The following ELOVL3 variants were observed in gnomAD, a reference collection of about 807,000 sequenced individuals.
The protein encoded by ELOVL3 is ELOVL fatty acid elongase 3.
ELOVL3 carries 11 observed loss-of-function variants against 14.9 expected under a neutral mutation model. The ratio of observed to expected loss-of-function variants is 0.74; its 90% confidence interval spans 0.46 to 1.22. The LOEUF (loss-of-function observed/expected upper bound fraction) is 1.22, where lower values mean the gene tolerates loss of function less well. ELOVL3 is among the 50% of genes most tolerant of loss of function. The probability of loss-of-function intolerance (pLI) is 0.00; values close to 1 mark genes in which losing one functional copy is unlikely to be tolerated. For synonymous variants in ELOVL3, 117 were observed against 124.7 expected, an observed-to-expected ratio of 0.94 and a Z score of 0.41; for missense variants, 277 against 338.9, an observed-to-expected ratio of 0.82 and a Z score of 1.43.
chr10:102,225,639 A>G (rs1564988858), upstream of ELOVL3, among the ~76,000 whole-genome samples: 1 of 152,142 alleles, frequency 6.6e-6, no homozygotes, highest in Non-Finnish European at 1.5e-5. Flanking sequence ...CCCCCTCCCT[A>G]AACCCTAAGA....
chr10:102,228,364 A>G, intron 2 of ELOVL3, 53 bp from the exon 3 acceptor site: 1 of 1,585,948 alleles, frequency 6.3e-7, no homozygotes, highest in Non-Finnish European at 8.6e-7. Flanking sequence ...GGAAGGGTGG[A>G]TTATTGGTGC....
At position 102,229,388 on chromosome 10, in the gene ELOVL3, G is replaced by A; in HGVS notation, c.*136G>A. 1.2e-6 allele frequency: 1 copy of A among 835,848 alleles called. No individual in the cohort carries two copies. Among genetic ancestry groups the A allele is most frequent in the Non-Finnish European group, 1.8e-6 (1 of 551,532 alleles). 51.8% of individuals were successfully genotyped at this position (835,848 alleles called of 1,614,324 possible). A position where few individuals can be genotyped will look rare whatever the true frequency, so the allele number is the denominator to read the frequency against. The stretch of plus-strand genomic sequence containing the variant: ...GAGGATGTGTGCCCCAAGGTGGCTG[G>A]AATTTTTGACAGACAAGAAGGGTGA... On this transcript the variant is annotated 3_prime_UTR_variant, in exon 4 of 4. Coordinates refer to ENST00000370005, the MANE Select transcript of ELOVL3 (RefSeq NM_152310.3).
Position 102,228,565 on chromosome 10 carries a change from C to T in ELOVL3, c.382C>T (p.Leu128Phe). Residue 128 changes from leucine (L) to phenylalanine (F), a missense_variant, in exon 3 of 4, where the codon CTC becomes TTC. Physicochemically the swap from Leu to Phe is conservative, Grantham distance 22. Coordinates refer to ENST00000370005, the MANE Select transcript of ELOVL3 (RefSeq NM_152310.3). Reference sequence around the variant, plus strand: ...CTTTCTTCTCAGCAAGGTCATAGAACTCGGTGAGTGGCAAAGCTTTGTCTT... The same window carrying T: ...CTTTCTTCTCAGCAAGGTCATAGAATTCGGTGAGTGGCAAAGCTTTGTCTT... ...WVFLLSKVIELGDTAFIILRK... is the reference protein window; with the variant it reads ...WVFLLSKVIEFGDTAFIILRK... The T allele has an allele frequency of 1.2e-6, 2 of 1,614,026 alleles. No homozygotes were observed. The highest frequency in any genetic ancestry group is 1.7e-6 in the Non-Finnish European group (2 of 1,179,932).
chr10:102,229,329 A>ATGAT lies in ELOVL3; in HGVS notation c.*79_*82dup. The ATGAT allele has an allele frequency of 7.1e-7, 1 of 1,403,652 alleles. No individual in the cohort carries two copies. Among genetic ancestry groups the ATGAT allele is most frequent in the Non-Finnish European group, 9.6e-7 (1 of 1,037,928 alleles). The allele number at this position is 1,403,652 out of a possible 1,614,324, so 86.9% of individuals were successfully genotyped here. A position where few individuals can be genotyped will look rare whatever the true frequency, so the allele number is the denominator to read the frequency against. ...AGAGGCTGGGCTTAGTTTTGGGAGA[A>ATGAT]TGATTAGGTTGCCTTACCTGCATGG... is the stretch of plus-strand genomic sequence containing the variant. On this transcript the variant is annotated 3_prime_UTR_variant, in exon 4 of 4. Transcript: ENST00000370005.
At chr10:102,224,808 G>A (rs1157699175), upstream of ELOVL3, among the ~76,000 whole-genome samples, 1 of 151,880 alleles carries the variant, frequency 6.6e-6, no homozygotes, top group Non-Finnish European at 1.5e-5. Flanking sequence ...GACTACAGGC[G>A]CCTGCCACCA....
In ELOVL3 at chr10:102,229,136, A is replaced by C. The variant is rs1415278070; in HGVS notation, c.697A>C (p.Met233Leu). Residue 233 changes from methionine to leucine, a missense_variant, in exon 4 of 4, where the codon ATG (methionine) becomes CTG (leucine). By Grantham distance (15) the Met-to-Leu change is conservative. Transcript: ENST00000370005. ...GCAGGATCAGGGATGCCACACCACG[A>C]TGGAACACTTATTCTGGTCCTTCAT... ...WRQDQGCHTT[M>L]EHLFWSFILY... is the part of the protein sequence containing the mutation. The C allele has an allele frequency of 1.9e-6, 3 of 1,614,098 alleles. No homozygotes were observed. The highest frequency in any genetic ancestry group is 1.7e-6 in the Non-Finnish European group (2 of 1,180,024).
In ELOVL3 at chr10:102,227,484, T is replaced by G. The variant is rs2070147320; in HGVS notation, c.102-142T>G. ...ATGAGGAAGCCAAGGCTCAGAGAAT[T>G]AAGTTGGTTTTTCCAATGTCACATA... On this transcript the variant is annotated intron_variant, in intron 1 of 3. Coordinates refer to ENST00000370005, the MANE Select transcript of ELOVL3 (RefSeq NM_152310.3). The G allele has an allele frequency of 5.6e-6, 5 of 895,616 alleles. No individual in the cohort carries two copies. In the East Asian group the frequency reaches 7.4e-5, roughly 13 times the overall value. The allele number at this position is 895,616 out of a possible 1,614,324, so 55.5% of individuals were successfully genotyped here. A position where few individuals can be genotyped will look rare whatever the true frequency, so the allele number is the denominator to read the frequency against.
Position 102,229,432 on chromosome 10 carries a change from G to A in ELOVL3, c.*180G>A. On this transcript the variant is annotated 3_prime_UTR_variant, in exon 4 of 4. Transcript: ENST00000370005. ...AGGGTGACCTTGGGATGGGGGTGTG[G>A]TCTGTTACTTTAATGTTTCTGTTTT... 3.3e-6 allele frequency: 2 copies of A among 612,324 alleles called. No individual in the cohort carries two copies. Among genetic ancestry groups the A allele is most frequent in the East Asian group, 5.6e-5 (2 of 35,714 alleles). 37.9% of individuals were successfully genotyped at this position (612,324 alleles called of 1,614,324 possible). A position where few individuals can be genotyped will look rare whatever the true frequency, so the allele number is the denominator to read the frequency against.
rs1353607729 is a variant in ELOVL3, at chr10:102,229,495, G to A, written c.*243G>A. ...CAAGCAGGCCCTGGGATGGGAGTGG[G>A]GCGGAGGAGGGTCCTAAGAGCTGAT... On this transcript the variant is annotated 3_prime_UTR_variant, in exon 4 of 4. Transcript: ENST00000370005. 1.2e-5 allele frequency: 6 copies of A among 480,810 alleles called. No individual in the cohort carries two copies. The highest frequency in any genetic ancestry group is 1.9e-5 in the African/African-American group (1 of 52,080). The allele number at this position is 480,810 out of a possible 1,614,324, so 29.8% of individuals were successfully genotyped here. A position where few individuals can be genotyped will look rare whatever the true frequency, so the allele number is the denominator to read the frequency against.
chr10:102,226,530 T>C lies in ELOVL3; in HGVS notation c.-19T>C. Reference sequence around the variant, plus strand: ...ACCCAGCGCCTCCAAGCTTTGGACCTTGACTTCTGCAAAACTAGATGGTCA... The same window carrying C: ...ACCCAGCGCCTCCAAGCTTTGGACCCTGACTTCTGCAAAACTAGATGGTCA... On this transcript the variant is annotated 5_prime_UTR_variant, in exon 1 of 4. Transcript: ENST00000370005. 2.5e-6 allele frequency: 4 copies of C among 1,602,034 alleles called. No homozygotes were observed. The highest frequency in any genetic ancestry group is 3.4e-6 in the Non-Finnish European group (4 of 1,169,350).
chr10:102,227,606 C>T lies in ELOVL3; in HGVS notation c.102-20C>T. ...TCAGCACCCACCCATGAGCCCATCC[C>T]TCTGCCTTCTGCTTGCCAGGGCAAC... On this transcript the variant is annotated intron_variant, in intron 1 of 3. Transcript: ENST00000370005. The T allele has an allele frequency of 6.2e-7, 1 of 1,608,460 alleles. No individual in the cohort carries two copies.
chr10:102,228,118 C>T (rs1410416), intron 2 of ELOVL3, among the ~76,000 whole-genome samples: 78,941 of 151,786 alleles, frequency 0.52, 21,060 homozygotes, highest in East Asian at 0.69. Flanking sequence ...CAGTCTTCCC[C>T]TATCCCTCTA....
intron 2 of ELOVL3, 103 bp from the exon 3 acceptor site, chr10:102,228,314 G>A: frequency 1.6e-6 from 2 of 1,271,420 alleles, no homozygotes; most frequent in Non-Finnish European, 2.2e-6. Flanking sequence ...CAGGTGGGGA[G>A]GTGGTAGAGC....
intron 2 of ELOVL3, among the ~76,000 whole-genome samples, chr10:102,228,153 C>T (rs1307481605): frequency 6.6e-6 from 1 of 152,152 alleles, no homozygotes; most frequent in East Asian, 1.9e-4. Context: ...GGCTCCTAAC[C>T]CCTCCCAAGA....
rs780922425 is a variant in ELOVL3, at chr10:102,228,814, C to A, written c.386-11C>A. ...TGGGTGGTATGCCAACTATGACTCT[C>A]CATCTCCCAGGAGACACAGCCTTCA... On this transcript the variant is annotated splice_polypyrimidine_tract_variant and intron_variant, in intron 3 of 3. Transcript: ENST00000370005. 1.3e-6 allele frequency: 2 copies of A among 1,599,402 alleles called. No homozygotes were observed. Among genetic ancestry groups the A allele is most frequent in the Non-Finnish European group, 1.7e-6 (2 of 1,171,374 alleles).
chr10:102,225,311 A>G (rs186640717), upstream of ELOVL3, among the ~76,000 whole-genome samples: 6 of 152,294 alleles, frequency 3.9e-5, no homozygotes, highest in African/African-American at 1.4e-4. Flanking sequence ...CAGGAAATAG[A>G]GCTGGGGTTC....
chr10:102,226,131 G>C (rs574531368), upstream of ELOVL3, among the ~76,000 whole-genome samples: 2 of 152,216 alleles, frequency 1.3e-5, no homozygotes, highest in East Asian at 1.9e-4. Context: ...ACGTTTTACG[G>C]GAGAAAAGGC....
At chr10:102,227,414 A>T (rs12413550) in intron 1 of ELOVL3, among the ~76,000 whole-genome samples, 1 of 152,142 alleles carries the variant, frequency 6.6e-6, no homozygotes, top group Admixed American at 6.5e-5. Flanking sequence ...GATACTTTGT[A>T]TACGTTAATA....
chr10:102,227,610 G>A lies in ELOVL3; in HGVS notation c.102-16G>A, dbSNP rs773476724. 1 of 1,609,272 alleles carries A rather than the reference G, an allele frequency of 6.2e-7. No homozygotes were observed. The highest frequency in any genetic ancestry group is 8.5e-7 in the Non-Finnish European group (1 of 1,177,228). Reference sequence around the variant, plus strand: ...CACCCACCCATGAGCCCATCCCTCTGCCTTCTGCTTGCCAGGGCAACCTCA... The same window carrying A: ...CACCCACCCATGAGCCCATCCCTCTACCTTCTGCTTGCCAGGGCAACCTCA... On this transcript the variant is annotated splice_polypyrimidine_tract_variant and intron_variant, in intron 1 of 3. Coordinates refer to ENST00000370005, the MANE Select transcript of ELOVL3 (RefSeq NM_152310.3).
Sources: gnomAD v4.1 joint callset for allele counts (sites outside exome capture counted in the v4.1 genomes callset) on GRCh38, gnomAD v4.1.1 for gene constraint, MANE v1.5 for transcripts, NCBI Gene and HGNC (gene_info 2026-07-23, HGNC 2026-07-21) for gene names.